KLHDC4: variants seen among roughly 807,000 people sequenced by gnomAD.
The protein encoded by KLHDC4 is kelch domain containing 4, also known as kelch domain-containing protein 4.
Under a neutral mutation model 62.4 loss-of-function variants are expected in KLHDC4, and 90 were observed. The observed-to-expected ratio is 1.44, with a 90% CI of 1.22 to 1.72. KLHDC4 has a LOEUF of 1.72. Among genes scored for constraint, KLHDC4 ranks in the 40% most tolerant of loss-of-function variants. The pLI, the probability that KLHDC4 is intolerant of heterozygous loss-of-function variation, is 0.00. For missense variants in KLHDC4, 1,025 were observed against 699.7 expected (o/e 1.47, Z -5.25); for synonymous variants, 386 against 284.4 (o/e 1.36, Z -3.59).
At chr16:87,729,611 G>A (rs188128404) in intron 6 of KLHDC4, among the ~76,000 whole-genome samples, 2 of 152,234 alleles carry the variant, frequency 1.3e-5, no homozygotes, top group African/African-American at 4.8e-5. Context: ...GCAGATAACA[G>A]GCCTAAAACA....
intron 7 of KLHDC4, 73 bp from the exon 8 acceptor site, chr16:87,714,646 G>C (rs575875284): frequency 4.6e-6 from 7 of 1,521,406 alleles, no homozygotes; most frequent in Non-Finnish European, 6.4e-6. Flanking sequence ...CAACCCTGTG[G>C]GCGCATTTTG....
chr16:87,763,186 C>T (rs1414362145), intron 1 of KLHDC4, among the ~76,000 whole-genome samples: 1 of 152,210 alleles, frequency 6.6e-6, no homozygotes, highest in African/African-American at 2.4e-5. Flanking sequence ...TGTACCCACC[C>T]ACACATTCCC....
chr16:87,699,215 G>A (rs1287727167), exon 1 of KLHDC4: 1 of 152,270 alleles, frequency 6.6e-6, no homozygotes, highest in Non-Finnish European at 1.5e-5. Context: ...TCTGCACACT[G>A]GATGGACTGG....
chr16:87,722,178 A>G (rs2038499152), intron 7 of KLHDC4, among the ~76,000 whole-genome samples: 1 of 152,230 alleles, frequency 6.6e-6, no homozygotes. Flanking sequence ...GATACAAGTC[A>G]TCATAGTCAA....
rs190614489 is a variant in KLHDC4, at chr16:87,720,959, C to T, written c.759+5806G>A. On this transcript the variant is annotated intron_variant, in intron 7 of 11. Transcript: ENST00000270583. Reference sequence around the variant, plus strand: ...GTCAAGTCCCTCTGCGTGTCTGAACCGGGACAAGGCCCTGCCTGCTTCCAT... The same window carrying T: ...GTCAAGTCCCTCTGCGTGTCTGAACTGGGACAAGGCCCTGCCTGCTTCCAT... Among the ~76,000 whole-genome samples the T allele has an allele frequency of 7.1e-4, 108 of 152,338 alleles. 1 individual carries two copies. In the South Asian group the frequency reaches 0.012, roughly 17 times the overall value.
rs143381382 is a variant in KLHDC4, at chr16:87,709,419, T to G, written c.1293A>C (p.Pro431=). 1.2e-6 allele frequency: 2 copies of G among 1,612,998 alleles called. No homozygotes were observed. Among genetic ancestry groups the G allele is most frequent in the East Asian group, 2.2e-5 (1 of 44,882 alleles). ...TCACAGCCAGCATGGCGTTGGAGCG[T>G]GGACACGGCCCAGGTGCGGGGCTGC... ...EAGSPAPGPC[P]RSNAMLAVKH... is the part of the protein sequence containing the mutation. Residue 431 remains proline, a synonymous_variant, in exon 10 of 12, where the codon CCA becomes CCC. Coordinates refer to ENST00000270583, the MANE Select transcript of KLHDC4 (RefSeq NM_017566.4).
rs537021402 is a variant in KLHDC4, at chr16:87,707,995, C to A, written c.*82G>T. The A allele has an allele frequency of 1.6e-5, 8 of 485,128 alleles. No individual in the cohort carries two copies. The highest frequency in any genetic ancestry group is 1.6e-4 in the African/African-American group (8 of 51,458). The allele number at this position is 485,128 out of a possible 1,614,324, so 30.1% of individuals were successfully genotyped here. The stretch of plus-strand genomic sequence containing the variant: ...CCTGTGCGTCAGGACGCACGCTGGC[C>A]CCAAGAGCTTCACTCAACACGGCTG... On this transcript the variant is annotated 3_prime_UTR_variant, in exon 12 of 12. Coordinates refer to ENST00000270583, the MANE Select transcript of KLHDC4 (RefSeq NM_017566.4).
At chr16:87,721,237 A>G (rs1337953695) in intron 7 of KLHDC4, among the ~76,000 whole-genome samples, 1 of 152,052 alleles carries the variant, frequency 6.6e-6, no homozygotes, top group Non-Finnish European at 1.5e-5. Flanking sequence ...TGGCTAACGC[A>G]GTAAAACCCC....
At chr16:87,705,565 T>C (rs2034566307), downstream of KLHDC4, among the ~76,000 whole-genome samples, 1 of 152,254 alleles carries the variant, frequency 6.6e-6, no homozygotes, top group South Asian at 2.1e-4. Flanking sequence ...GCTGTCATCT[T>C]TCTTTCAACT....
At position 87,733,381 on chromosome 16, in the gene KLHDC4, C is replaced by T. The variant is rs150499821; in HGVS notation, c.507-2737G>A. On this transcript the variant is annotated intron_variant, in intron 5 of 11. Transcript: ENST00000270583. ...AGAAAGCTCGCAGAGGTGCTTACGC[C>T]GGCCACAGATGTGCAGGGCGCCCAG... Among the ~76,000 whole-genome samples the T allele has an allele frequency of 1.5e-4, 23 of 152,332 alleles. No individual in the cohort carries two copies. The East Asian group carries it at 1.5e-3, about 10-fold the overall frequency.
chr16:87,737,939 G>A (rs776662638), intron 5 of KLHDC4, among the ~76,000 whole-genome samples: 1 of 152,290 alleles, frequency 6.6e-6, no homozygotes, highest in African/African-American at 2.4e-5. Flanking sequence ...ATCAGAGATA[G>A]AAACTATCAT....
intron 4 of KLHDC4, 42 bp downstream of exon 4, chr16:87,755,152 G>T (rs751869791): frequency 5.9e-6 from 8 of 1,355,790 alleles, no homozygotes; most frequent in Non-Finnish European, 8.4e-6. Flanking sequence ...AGACTCCCAC[G>T]TGGGAAGAGG....
At chr16:87,706,337 A>G (rs1340835747), downstream of KLHDC4, among the ~76,000 whole-genome samples, 2 of 88,742 alleles carry the variant, frequency 2.3e-5, no homozygotes, top group Non-Finnish European at 4.2e-5. Context: ...GAGAGGGGGA[A>G]GTTGGCGCAA....
At chr16:87,728,224 T>C (rs2039719981) in intron 6 of KLHDC4, among the ~76,000 whole-genome samples, 1 of 152,206 alleles carries the variant, frequency 6.6e-6, no homozygotes, top group Admixed American at 6.6e-5. Context: ...CCTTGCTGAC[T>C]GCAACTCAGA....
chr16:87,759,166 C>CT (rs751594804), intron 2 of KLHDC4, among the ~76,000 whole-genome samples: 1 of 152,096 alleles, frequency 6.6e-6, no homozygotes, highest in Non-Finnish European at 1.5e-5. Flanking sequence ...GAGCAAAACT[C>CT]TGTCTCAAAA....
At chr16:87,765,712 TA>T in intron 1 of KLHDC4, 79 bp downstream of exon 1, 1 of 1,384,142 alleles carries the variant, frequency 7.2e-7, no homozygotes, top group Non-Finnish European at 9.8e-7. Context: ...GGCCGACCCG[TA>T]ACCCCGGGGG....
At chr16:87,701,539 T>C in exon 1 of KLHDC4, 1 of 389,464 alleles carries the variant, frequency 2.6e-6, no homozygotes, top group Non-Finnish European at 5.3e-6. Flanking sequence ...GGCCACAGTG[T>C]GGGCGTGAGC....
At chr16:87,709,220 G>C (rs1269046812) in intron 10 of KLHDC4, 45 bp downstream of exon 10, 3 of 1,576,426 alleles carry the variant, frequency 1.9e-6, no homozygotes, top group African/African-American at 1.3e-5. Context: ...ACACGACCGT[G>C]GGCTCTCGCT....
chr16:87,702,091 G>C, exon 1 of KLHDC4: 1 of 456,258 alleles, frequency 2.2e-6, no homozygotes. Flanking sequence ...CCCGAGATCA[G>C]AACAGCCTTC....
Sources: gnomAD v4.1 joint callset for allele counts (sites outside exome capture counted in the v4.1 genomes callset) on GRCh38, gnomAD v4.1.1 for gene constraint, MANE v1.5 for transcripts, NCBI Gene and HGNC (gene_info 2026-07-23, HGNC 2026-07-21) for gene names.